PARK7: variants seen among roughly 807,000 people sequenced by gnomAD.
PARK7 encodes Parkinsonism associated deglycase, also known as Parkinson disease protein 7.
In PARK7, 14 loss-of-function variants were observed where a neutral mutation model predicts 20.5. The observed-to-expected ratio is 0.68, with a 90% CI of 0.45 to 1.07. The LOEUF (loss-of-function observed/expected upper bound fraction) is 1.07. PARK7 is among the 50% of genes least tolerant of loss of function. The pLI is 0.00. For synonymous variants in PARK7, 98 were observed against 84.3 expected, an observed-to-expected ratio of 1.16 and a Z score of -0.89; for missense variants, 234 against 238.1, an observed-to-expected ratio of 0.98 and a Z score of 0.11.
intron 5 of PARK7, among the ~76,000 whole-genome samples, chr1:7,974,142 A>ACCCC (rs1377314296): frequency 7.2e-6 from 1 of 137,956 alleles, no homozygotes; most frequent in Non-Finnish European, 1.6e-5. Flanking sequence ...AGACCCCCCC[A>ACCCC]CCGACCTCTA....
chr1:7,971,024 G>A (rs369460164), intron 5 of PARK7, 61 bp downstream of exon 5: 184 of 1,548,108 alleles, frequency 1.2e-4, no homozygotes, highest in Non-Finnish European at 1.5e-4. Flanking sequence ...CCTTTCATTC[G>A]ATGGTTTGAT....
At position 7,980,879 on chromosome 1, in the gene PARK7, C is replaced by CT. The variant is rs201392151; in HGVS notation, c.409+3149dup. Among the ~76,000 whole-genome samples, 868 of 151,832 alleles carry CT rather than the reference C, an allele frequency of 5.7e-3. 10 individuals are homozygous for CT. Among genetic ancestry groups the CT allele is most frequent in the African/African-American group, 0.02 (815 of 41,420 alleles). ...ATAGTCTTTTTTCTTTTTTTCTTAT[C>CT]TTTTTTTTGATAGATTCAGGGTCTC... On this transcript the variant is annotated intron_variant, in intron 6 of 6. Transcript: ENST00000338639.
chr1:7,985,172 C>A lies in PARK7; in HGVS notation c.*118C>A. ...TGTTCAGAAGTCGCTGTCCTTACTACTTTTGCGGAAGTATGGAAGTCACAA... is the reference window on the plus strand; with the variant it reads ...TGTTCAGAAGTCGCTGTCCTTACTAATTTTGCGGAAGTATGGAAGTCACAA... On this transcript the variant is annotated 3_prime_UTR_variant, in exon 7 of 7. Transcript: ENST00000338639. 1 of 1,392,632 alleles carries A rather than the reference C, an allele frequency of 7.2e-7. No individual in the cohort carries two copies. Among genetic ancestry groups the A allele is most frequent in the Non-Finnish European group, 9.8e-7 (1 of 1,016,408 alleles). 86.3% of individuals were successfully genotyped at this position (1,392,632 alleles called of 1,614,324 possible).
At chr1:7,976,197 AC>A (rs1444708089) in intron 5 of PARK7, among the ~76,000 whole-genome samples, 1 of 152,172 alleles carries the variant, frequency 6.6e-6, no homozygotes, top group Admixed American at 6.5e-5. Flanking sequence ...AAGTGTACAA[AC>A]TGTGCCACAG....
At chr1:7,967,517 C>T (rs962620743) in intron 3 of PARK7, among the ~76,000 whole-genome samples, 5 of 152,124 alleles carry the variant, frequency 3.3e-5, no homozygotes, top group Admixed American at 3.3e-4. Context: ...TTTTATTTTT[C>T]AGTGCAGATT....
intron 5 of PARK7, 89 bp downstream of exon 5, chr1:7,971,052 C>G: frequency 7.2e-7 from 1 of 1,381,842 alleles, no homozygotes; most frequent in Non-Finnish European, 1.0e-6. Flanking sequence ...AGCTCTTCCC[C>G]TTCATAAAGC....
chr1:7,968,750 CAG>C (rs1640385982), intron 3 of PARK7, among the ~76,000 whole-genome samples: 2 of 152,182 alleles, frequency 1.3e-5, no homozygotes, highest in Non-Finnish European at 2.9e-5. Flanking sequence ...CTCCTGAGCT[CAG>C]GTAATCTTCC....
intron 3 of PARK7, 166 bp from the exon 4 acceptor site, chr1:7,969,179 C>T (rs1640396956): frequency 1.7e-6 from 1 of 599,220 alleles, no homozygotes; most frequent in Non-Finnish European, 2.9e-6. Context: ...GTTAAAACAC[C>T]ATTCCGTCAT....
At chr1:7,972,239 AT>A (rs1640480798) in intron 5 of PARK7, among the ~76,000 whole-genome samples, 1 of 152,160 alleles carries the variant, frequency 6.6e-6, no homozygotes, top group Non-Finnish European at 1.5e-5. Context: ...AGGCAGAAGG[AT>A]CTCTTGAAAG....
intron 6 of PARK7, among the ~76,000 whole-genome samples, chr1:7,983,752 A>G (rs1051914197): frequency 3.3e-5 from 5 of 152,202 alleles, no homozygotes; most frequent in Non-Finnish European, 7.3e-5. Context: ...GAGAGCTGTA[A>G]TCATGCAGAG....
At chr1:7,974,994 T>C (rs1439706369) in intron 5 of PARK7, among the ~76,000 whole-genome samples, 2 of 152,018 alleles carry the variant, frequency 1.3e-5, no homozygotes, top group African/African-American at 2.4e-5. Flanking sequence ...TAGCTAGAAT[T>C]ACAGGCACCT....
Position 7,969,791 on chromosome 1 carries a change from T to G in PARK7, c.252+387T>G, listed in dbSNP as rs191853633. 3.8e-3 allele frequency among the ~76,000 whole-genome samples: 574 copies of G among 152,222 alleles called. 2 individuals are homozygous for G. Among genetic ancestry groups the G allele is most frequent in the South Asian group, 0.014 (68 of 4,826 alleles). On this transcript the variant is annotated intron_variant, in intron 4 of 6. Coordinates refer to ENST00000338639, the MANE Select transcript of PARK7 (RefSeq NM_007262.5). ...GACGGGGTTTCACCATGTTGGCCAG[T>G]CTGGTCTCAAACTCCTGACCTCGTG...
chr1:7,968,637 C>T (rs1224016571), intron 3 of PARK7, among the ~76,000 whole-genome samples: 2 of 151,938 alleles, frequency 1.3e-5, no homozygotes, highest in Non-Finnish European at 2.9e-5. Context: ...TGCCTCAACC[C>T]CCCAAGTAGA....
intron 6 of PARK7, among the ~76,000 whole-genome samples, chr1:7,981,493 C>G (rs916506078): frequency 6.6e-6 from 1 of 152,200 alleles, no homozygotes; most frequent in African/African-American, 2.4e-5. Context: ...CTTTCTGGGA[C>G]TTCAGATCTC....
At chr1:7,975,416 A>T (rs535077404) in intron 5 of PARK7, among the ~76,000 whole-genome samples, 5 of 152,196 alleles carry the variant, frequency 3.3e-5, no homozygotes, top group Admixed American at 2.0e-4. Flanking sequence ...GGAGCTGGGG[A>T]GTTGGCAGAG....
At chr1:7,968,326 A>G (rs112916060) in intron 3 of PARK7, among the ~76,000 whole-genome samples, 1 of 149,686 alleles carries the variant, frequency 6.7e-6, no homozygotes, top group South Asian at 2.1e-4. Flanking sequence ...AAAGAAAAGA[A>G]AAATAAATAA....
At chr1:7,967,626 A>T (rs1307073616) in intron 3 of PARK7, among the ~76,000 whole-genome samples, 2 of 152,188 alleles carry the variant, frequency 1.3e-5, no homozygotes, top group South Asian at 4.1e-4. Context: ...ATGGTCTTAA[A>T]AGTGATTCTA....
intron 2 of PARK7, among the ~76,000 whole-genome samples, chr1:7,964,820 G>A (rs1205314013): frequency 1.3e-5 from 2 of 152,148 alleles, no homozygotes; most frequent in Non-Finnish European, 2.9e-5. Context: ...ATACCATGAG[G>A]TTTAAATGGC....
At chr1:7,967,490 G>A (rs943333542) in intron 3 of PARK7, among the ~76,000 whole-genome samples, 5 of 152,110 alleles carry the variant, frequency 3.3e-5, no homozygotes, top group Non-Finnish European at 5.9e-5. Flanking sequence ...TTAAGGAAGT[G>A]GTTACCTTTT....
Sources: gnomAD v4.1 joint callset for allele counts (sites outside exome capture counted in the v4.1 genomes callset) on GRCh38, gnomAD v4.1.1 for gene constraint, MANE v1.5 for transcripts, NCBI Gene and HGNC (gene_info 2026-07-23, HGNC 2026-07-21) for gene names.